DNAH12: variants seen among roughly 807,000 people sequenced by gnomAD.
The protein encoded by DNAH12 is dynein axonemal heavy chain 12.
Under a neutral mutation model 371.5 loss-of-function variants are expected in DNAH12, and 285 were observed. The ratio of observed to expected loss-of-function variants is 0.77; its 90% CI spans 0.70 to 0.85. The LOEUF is 0.85. Among genes scored for constraint, DNAH12 ranks in the 40% least tolerant of loss-of-function variants. The pLI is 0.00. For synonymous variants in DNAH12, 1,200 were observed against 1,213.0 expected, an observed-to-expected ratio of 0.99 and a Z score of 0.22; for missense variants, 3,611 against 3,689.4, an observed-to-expected ratio of 0.98 and a Z score of 0.55.
chr3:57,543,874 C>G (rs2069408788), intron 1 of DNAH12, among the ~76,000 whole-genome samples: 1 of 151,800 alleles, frequency 6.6e-6, no homozygotes. Context: ...TGGTGAAACC[C>G]CATCTCTACT....
At position 57,391,544 on chromosome 3, in the gene DNAH12, C is replaced by T. The variant is rs963190707; in HGVS notation, c.7305+328G>A. On this transcript the variant is annotated intron_variant, in intron 45 of 73. Transcript: ENST00000495027. ...TTACATACAAATTTCCTATTGATTCCTAATACACTCCCTCTCTATGTAACT... is the reference window on the plus strand; with the variant it reads ...TTACATACAAATTTCCTATTGATTCTTAATACACTCCCTCTCTATGTAACT... Among the ~76,000 whole-genome samples, 1,420 of 152,254 alleles carry T rather than the reference C, an allele frequency of 9.3e-3. 21 individuals carry two copies. The highest frequency in any genetic ancestry group is 0.032 in the African/African-American group (1,345 of 41,534).
intron 69 of DNAH12, among the ~76,000 whole-genome samples, chr3:57,305,342 C>T (rs527686935): frequency 6.6e-6 from 1 of 152,178 alleles, no homozygotes; most frequent in Non-Finnish European, 1.5e-5. Context: ...CTCCCCTCCT[C>T]CCCAGGCTGC....
At chr3:57,505,066 T>G (rs1358600264) in intron 8 of DNAH12, among the ~76,000 whole-genome samples, 1 of 152,062 alleles carries the variant, frequency 6.6e-6, no homozygotes, top group African/African-American at 2.4e-5. Flanking sequence ...TTTTGTATTT[T>G]TTGTAGAGAC....
At chr3:57,474,899 C>A (rs2066475401) in intron 13 of DNAH12, among the ~76,000 whole-genome samples, 1 of 151,836 alleles carries the variant, frequency 6.6e-6, no homozygotes, top group Non-Finnish European at 1.5e-5. Flanking sequence ...TCTCTTGAAC[C>A]CGGGAGGCAG....
rs369859146 is a variant in DNAH12, at chr3:57,500,854, C to G, written c.1335+467G>C. Reference sequence around the variant, plus strand: ...CACTGCAGCCTCAACCTCCTGGGCTCAAGTTATCCTCTTGCCTCAGCCTCC... The same window carrying G: ...CACTGCAGCCTCAACCTCCTGGGCTGAAGTTATCCTCTTGCCTCAGCCTCC... On this transcript the variant is annotated intron_variant, in intron 11 of 73. Transcript: ENST00000495027. Among the ~76,000 whole-genome samples the G allele has an allele frequency of 6.6e-3, 1,011 of 152,256 alleles. 6 individuals are homozygous for G. Among genetic ancestry groups the G allele is most frequent in the Non-Finnish European group, 0.011 (735 of 68,030 alleles).
intron 11 of DNAH12, among the ~76,000 whole-genome samples, chr3:57,495,158 T>C (rs1303969349): frequency 6.6e-6 from 1 of 152,228 alleles, no homozygotes; most frequent in African/African-American, 2.4e-5. Flanking sequence ...AAATAAATTA[T>C]ACTTTTTCAG....
chr3:57,438,823 C>T (rs548710054), intron 29 of DNAH12, among the ~76,000 whole-genome samples: 19 of 148,758 alleles, frequency 1.3e-4, no homozygotes, highest in South Asian at 4.3e-4. Flanking sequence ...AGTAGTGGCA[C>T]GCACCTGTAA....
intron 56 of DNAH12, 54 bp from the exon 57 acceptor site, chr3:57,366,975 T>G (rs2063064330): frequency 6.6e-6 from 1 of 152,200 alleles, no homozygotes; most frequent in Admixed American, 6.6e-5. Flanking sequence ...TAGCCCCTCA[T>G]GCTATGTACT....
intron 59 of DNAH12, 117 bp from the exon 60 acceptor site, chr3:57,352,342 G>A: frequency 9.1e-7 from 1 of 1,099,110 alleles, no homozygotes; most frequent in Non-Finnish European, 1.3e-6. Context: ...AACGTATAAA[G>A]ATACACACAC....
At chr3:57,439,930 TCAA>T (rs1456585325) in intron 29 of DNAH12, among the ~76,000 whole-genome samples, 1 of 152,152 alleles carries the variant, frequency 6.6e-6, no homozygotes, top group African/African-American at 2.4e-5. Context: ...GAAAAAATGT[TCAA>T]CATCACTAAT....
chr3:57,373,137 T>C (rs1406061625), intron 55 of DNAH12, among the ~76,000 whole-genome samples: 8 of 152,008 alleles, frequency 5.3e-5, no homozygotes, highest in African/African-American at 1.9e-4. Context: ...GTCATGACTC[T>C]TTTTCTGAGA....
chr3:57,458,194 A>AC lies in DNAH12; in HGVS notation c.2957dup (p.Leu987PhefsTer10). 6.5e-7 allele frequency: 1 copy of AC among 1,549,192 alleles called. No individual in the cohort carries two copies. The highest frequency in any genetic ancestry group is 8.7e-7 in the Non-Finnish European group (1 of 1,146,426). On this transcript the variant is annotated frameshift_variant, in exon 21 of 74. Coordinates refer to ENST00000495027, the MANE Select transcript of DNAH12 (RefSeq NM_001366028.2). LOFTEE classifies it high-confidence loss of function. ...TGCAGTTCTGTAGTTTTTCCAATAA[A>AC]CCTGTTAAAGAAGTGGCAGCAAGAA...
intron 25 of DNAH12, among the ~76,000 whole-genome samples, chr3:57,447,699 G>A (rs2065561007): frequency 6.6e-6 from 1 of 151,580 alleles, no homozygotes; most frequent in South Asian, 2.1e-4. Flanking sequence ...TTTTGAGACC[G>A]GGTCTTGCTC....
chr3:57,309,192 G>A lies in DNAH12; in HGVS notation c.11148C>T (p.Ser3716=). 6.5e-7 allele frequency: 1 copy of A among 1,549,812 alleles called. No homozygotes were observed. The highest frequency in any genetic ancestry group is 2.5e-5 in the East Asian group (1 of 40,792). Residue 3716 remains serine, a synonymous_variant, in exon 69 of 74, where the codon AGC becomes AGT. Coordinates refer to ENST00000495027, the MANE Select transcript of DNAH12 (RefSeq NM_001366028.2). ...TTTCTTGTACTAACACAGTATTCAT[G>A]CTTTCTTCATATCTCACAGGATACT... ...LRKYPVRYEE[S]MNTVLVQEME...
chr3:57,488,275 C>T (rs1052330311), intron 12 of DNAH12, among the ~76,000 whole-genome samples: 2 of 152,140 alleles, frequency 1.3e-5, no homozygotes, highest in African/African-American at 4.8e-5. Context: ...TCACTGCAAC[C>T]TCCACTTCCC....
chr3:57,342,517 G>A (rs1272166624), intron 60 of DNAH12, among the ~76,000 whole-genome samples: 2 of 147,278 alleles, frequency 1.4e-5, no homozygotes, highest in Non-Finnish European at 3.0e-5. Context: ...AATTAGCCGG[G>A]CATGGTGGTG....
chr3:57,309,004 T>G (rs760061016), intron 69 of DNAH12, 147 bp downstream of exon 69: 2 of 533,968 alleles, frequency 3.7e-6, no homozygotes, highest in Non-Finnish European at 6.3e-6. Context: ...CTAATCCCGC[T>G]TGAAGCAGCC....
intron 13 of DNAH12, among the ~76,000 whole-genome samples, chr3:57,482,129 C>T (rs1350911936): frequency 3.3e-5 from 5 of 152,124 alleles, no homozygotes; most frequent in African/African-American, 1.2e-4. Flanking sequence ...TCAGAGTGAA[C>T]AGGCAACCTA....
chr3:57,499,676 A>ATATATG lies in DNAH12; in HGVS notation c.1335+1644_1335+1645insCATATA, dbSNP rs2067462611. On this transcript the variant is annotated intron_variant, in intron 11 of 73. Transcript: ENST00000495027. ...TATATATATATATATATATATATATACTTCTTAAAAAAATTAGCCAGGCAT... is the reference window on the plus strand; with the variant it reads ...TATATATATATATATATATATATATATATATGCTTCTTAAAAAAATTAGCCAGGCAT... Among the ~76,000 whole-genome samples the ATATATG allele has an allele frequency of 3.1e-5, 3 of 98,242 alleles. No homozygotes were observed. The South Asian group carries it at 1.1e-3, about 37-fold the overall frequency. 64.5% of individuals were successfully genotyped at this position (98,242 alleles called of 152,430 possible).
Sources: allele counts gnomAD v4.1 joint callset (sites outside exome capture counted in the v4.1 genomes callset), GRCh38; gene constraint gnomAD v4.1.1; transcripts MANE v1.5; gene names NCBI Gene and HGNC (gene_info 2026-07-23, HGNC 2026-07-21).